The following GALNT5 variants were observed in gnomAD, a reference collection of about 807,000 sequenced individuals.
GALNT5 encodes the protein UDP-GalNAc:polypeptide N-acetylgalactosaminyltransferase 5.
In GALNT5, 72 loss-of-function variants were observed where a neutral mutation model predicts 85.4. That is an observed-to-expected ratio of 0.84 (90% CI 0.70 to 1.03). The LOEUF (loss-of-function observed/expected upper bound fraction) is 1.03, where lower values mean the gene tolerates loss of function less well. Ranked by LOEUF, GALNT5 falls within the 50% of genes least tolerant of loss-of-function variation. GALNT5 has a pLI of 0.00. For missense variants in GALNT5, 1,137 were observed against 1,135.5 expected (o/e 1.00, Z -0.02); for synonymous variants, 404 against 397.0 (o/e 1.02, Z -0.21).
chr2:157,303,729 A>AT (rs1683396466), intron 7 of GALNT5, among the ~76,000 whole-genome samples: 1 of 152,216 alleles, frequency 6.6e-6, no homozygotes, highest in East Asian at 1.9e-4. Flanking sequence ...AGGAAAAAAA[A>AT]ATCTTCAGGT....
chr2:157,301,113 G>A lies in GALNT5; in HGVS notation c.2439+114G>A, dbSNP rs1683334208. ...CATTATAAATAAACACCAAGTATGA[G>A]CAAAGATGGGACAAAGCATGGCTGA... On this transcript the variant is annotated intron_variant, in intron 7 of 9. Coordinates refer to ENST00000259056, the MANE Select transcript of GALNT5 (RefSeq NM_014568.3). 2.2e-5 allele frequency: 16 copies of A among 726,778 alleles called. No individual in the cohort carries two copies. In the Admixed American group the frequency reaches 3.8e-4, roughly 17 times the overall value. The allele number at this position is 726,778 out of a possible 1,614,324, so 45.0% of individuals were successfully genotyped here. A position where few individuals can be genotyped will look rare whatever the true frequency, so the allele number is the denominator to read the frequency against.
chr2:157,311,398 A>T lies in GALNT5; in HGVS notation c.*50A>T. On this transcript the variant is annotated 3_prime_UTR_variant, in exon 10 of 10. Coordinates refer to ENST00000259056, the MANE Select transcript of GALNT5 (RefSeq NM_014568.3). Reference sequence around the variant, plus strand: ...TAAACCCATTAAATACTGTGAAAATAACACTGAACTTGGAAACTATATTTC... The same window carrying T: ...TAAACCCATTAAATACTGTGAAAATTACACTGAACTTGGAAACTATATTTC... 8.3e-7 allele frequency: 1 copy of T among 1,201,960 alleles called. No homozygotes were observed. Among genetic ancestry groups the T allele is most frequent in the Non-Finnish European group, 1.2e-6 (1 of 854,212 alleles). The allele number at this position is 1,201,960 out of a possible 1,614,324, so 74.5% of individuals were successfully genotyped here.
At chr2:157,268,038 T>A (rs1298781770) in intron 1 of GALNT5, among the ~76,000 whole-genome samples, 1 of 152,202 alleles carries the variant, frequency 6.6e-6, no homozygotes, top group African/African-American at 2.4e-5. Context: ...ACATCAGTGC[T>A]TGGGGAGTGA....
At chr2:157,265,049 T>G (rs1682428628) in intron 1 of GALNT5, among the ~76,000 whole-genome samples, 1 of 152,122 alleles carries the variant, frequency 6.6e-6, no homozygotes, top group Admixed American at 6.5e-5. Flanking sequence ...TCAAAAGGAT[T>G]TACTTCCTGC....
chr2:157,304,938 A>G (rs1683421933), intron 7 of GALNT5, among the ~76,000 whole-genome samples: 1 of 152,200 alleles, frequency 6.6e-6, no homozygotes, highest in African/African-American at 2.4e-5. Context: ...CTGGCAACAA[A>G]GACTTCAGCT....
At position 157,295,733 on chromosome 2, in the gene GALNT5, A is replaced by C. The variant is rs770196970; in HGVS notation, c.1812A>C (p.Arg604Ser). 1.2e-6 allele frequency: 2 copies of C among 1,609,396 alleles called. No individual in the cohort carries two copies. Among genetic ancestry groups the C allele is most frequent in the Non-Finnish European group, 1.7e-6 (2 of 1,175,778 alleles). The change falls in exon 4 of 10, where the codon AGA becomes AGC. Residue 604 changes from arginine to serine, a missense_variant. Transcript: ENST00000259056. ...GTTGGTTGGAACCTCTTCTGGAAAG[A>C]GTTTATTTAAGTAGAAAGAAAGTGG... ...NVGWLEPLLERVYLSRKKVAC... is the reference protein window; with the variant it reads ...NVGWLEPLLESVYLSRKKVAC...
intron 7 of GALNT5, among the ~76,000 whole-genome samples, chr2:157,302,837 A>G (rs1683371458): frequency 4.6e-5 from 7 of 152,188 alleles, no homozygotes; most frequent in Admixed American, 6.5e-5. Context: ...ATTTTAACAA[A>G]TTCCTTCTAT....
At chr2:157,310,995 T>C (rs1683556125) in intron 9 of GALNT5, among the ~76,000 whole-genome samples, 1 of 152,210 alleles carries the variant, frequency 6.6e-6, no homozygotes, top group African/African-American at 2.4e-5. Context: ...CTTAAAAGTC[T>C]TATAGCTTGG....
intron 1 of GALNT5, among the ~76,000 whole-genome samples, chr2:157,276,688 T>C (rs558648071): frequency 6.6e-6 from 1 of 152,352 alleles, no homozygotes; most frequent in Admixed American, 6.5e-5. Flanking sequence ...TATCATTTTT[T>C]ATTGCATCTA....
intron 3 of GALNT5, among the ~76,000 whole-genome samples, chr2:157,294,579 GA>G (rs1683169388): frequency 6.6e-6 from 1 of 152,178 alleles, no homozygotes. Flanking sequence ...TGGAGGGTCT[GA>G]GACCTGGACC....
chr2:157,315,576 G>GTC lies in GALNT5; in HGVS notation c.*4240_*4241dup, dbSNP rs952597599. Among the ~76,000 whole-genome samples the GTC allele has an allele frequency of 8.6e-5, 13 of 151,802 alleles. No individual in the cohort carries two copies. Among genetic ancestry groups the GTC allele is most frequent in the East Asian group, 1.9e-4 (1 of 5,184 alleles). ...TGTATAAACAGAAAAAAGAAGCATG[G>GTC]TCTCTCTCTCTCTGTGGTAACCAAT... On this transcript the variant is annotated 3_prime_UTR_variant, in exon 10 of 10. Transcript: ENST00000259056.
intron 3 of GALNT5, among the ~76,000 whole-genome samples, chr2:157,291,633 A>ACCCCCCCCCCCCCC (rs10650005): frequency 1.7e-5 from 2 of 117,034 alleles, no homozygotes; most frequent in Non-Finnish European, 3.5e-5. Context: ...GTTACCACCC[A>ACCCCCCCCCCCCCC]CCCCCCCCCA....
intron 3 of GALNT5, among the ~76,000 whole-genome samples, chr2:157,294,040 A>G (rs1288380509): frequency 3.3e-5 from 5 of 152,250 alleles, no homozygotes; most frequent in Admixed American, 6.5e-5. Context: ...GACTACATAA[A>G]ACATGCATGA....
Position 157,296,469 on chromosome 2 carries a change from A to T in GALNT5, c.1953A>T (p.Pro651=). The T allele has an allele frequency of 6.2e-7, 1 of 1,609,832 alleles. No individual in the cohort carries two copies. Among genetic ancestry groups the T allele is most frequent in the Non-Finnish European group, 8.5e-7 (1 of 1,176,212 alleles). Residue 651 remains proline, a synonymous_variant, in exon 5 of 10, where the codon CCA becomes CCT. Coordinates refer to ENST00000259056, the MANE Select transcript of GALNT5 (RefSeq NM_014568.3). ...ACTTTGGTTGGAGAACAATTCCTCC[A>T]GATGTCATTGCAAAAAACAGAATTA... ...PMNFGWRTIP[P]DVIAKNRIKE...
rs1282290065 is a variant in GALNT5, at chr2:157,311,710, T to C, written c.*362T>C. 1 of 159,732 alleles carries C rather than the reference T, an allele frequency of 6.3e-6. No individual in the cohort carries two copies. The highest frequency in any genetic ancestry group is 1.4e-5 in the Non-Finnish European group (1 of 73,494). The allele number at this position is 159,732 out of a possible 1,614,324, so 9.9% of individuals were successfully genotyped here. On this transcript the variant is annotated 3_prime_UTR_variant, in exon 10 of 10. Coordinates refer to ENST00000259056, the MANE Select transcript of GALNT5 (RefSeq NM_014568.3). Reference sequence around the variant, plus strand: ...ACTATGTTTGGTAATAATCAGCTCTTCTGGCCCACAAGTAGGAATGATCAA... The same window carrying C: ...ACTATGTTTGGTAATAATCAGCTCTCCTGGCCCACAAGTAGGAATGATCAA...
intron 1 of GALNT5, among the ~76,000 whole-genome samples, chr2:157,264,713 G>A (rs552415400): frequency 6.6e-6 from 1 of 151,984 alleles, no homozygotes; most frequent in South Asian, 2.1e-4. Flanking sequence ...ATCCTAGTAG[G>A]GTCAAAAACT....
In GALNT5 at chr2:157,317,900, T is replaced by C. The variant is rs1182415196; in HGVS notation, c.*6552T>C. 6.6e-6 allele frequency among the ~76,000 whole-genome samples: 1 copy of C among 152,168 alleles called. No homozygotes were observed. Among genetic ancestry groups the C allele is most frequent in the Non-Finnish European group, 1.5e-5 (1 of 67,990 alleles). On this transcript the variant is annotated 3_prime_UTR_variant, in exon 10 of 10. Coordinates refer to ENST00000259056, the MANE Select transcript of GALNT5 (RefSeq NM_014568.3). ...TCATGAACTATATACACATTTTCATTGTCTTTAAACAATACTGAGTTTTGA... is the reference window on the plus strand; with the variant it reads ...TCATGAACTATATACACATTTTCATCGTCTTTAAACAATACTGAGTTTTGA...
At position 157,295,687 on chromosome 2, in the gene GALNT5, C is replaced by T; in HGVS notation, c.1766C>T (p.Ser589Phe). The change falls in exon 4 of 10, where the codon TCT (serine) becomes TTT (phenylalanine). Residue 589 changes from serine (S) to phenylalanine (F), a missense_variant. By Grantham distance (155) the Ser-to-Phe change is radical (BLOSUM62 -2). Coordinates refer to ENST00000259056, the MANE Select transcript of GALNT5 (RefSeq NM_014568.3). ...ATGDVLTFLD[S>F]HVECNVGWLE... ...GGTGATGTGTTGACATTTTTAGATT[C>T]TCATGTGGAATGTAACGTTGGTTGG... The T allele has an allele frequency of 1.9e-6, 3 of 1,612,658 alleles. No individual in the cohort carries two copies. The highest frequency in any genetic ancestry group is 2.5e-6 in the Non-Finnish European group (3 of 1,179,232).
chr2:157,277,835 T>C (rs923495418), intron 1 of GALNT5, among the ~76,000 whole-genome samples: 1 of 152,240 alleles, frequency 6.6e-6, no homozygotes, highest in Non-Finnish European at 1.5e-5. Context: ...AAGATTGATA[T>C]TGTTATGTTT....
Sources: gnomAD v4.1 joint callset for allele counts (sites outside exome capture counted in the v4.1 genomes callset) on GRCh38, gnomAD v4.1.1 for gene constraint, MANE v1.5 for transcripts, NCBI Gene and HGNC (gene_info 2026-07-23, HGNC 2026-07-21) for gene names.